Variants in CTNNA2 observed in about 807,000 individuals in gnomAD.
CTNNA2 encodes the protein catenin alpha 2, also known as catenin alpha-2.
A neutral mutation model predicts 101.0 loss-of-function variants in CTNNA2; 42 were observed. The observed-to-expected ratio is 0.42, with a 90% CI of 0.32 to 0.54. The LOEUF (loss-of-function observed/expected upper bound fraction) is 0.54. Ranked by LOEUF, CTNNA2 falls within the 20% of genes least tolerant of loss-of-function variation. The probability of loss-of-function intolerance (pLI) is 0.14; values close to 1 mark genes in which losing one functional copy is unlikely to be tolerated. For missense variants in CTNNA2, 871 were observed against 1,223.1 expected (o/e 0.71, Z 4.29); for synonymous variants, 450 against 456.4 (o/e 0.99, Z 0.18).
intron 6 of CTNNA2, among the ~76,000 whole-genome samples, chr2:79,902,207 G>T (rs780869216): frequency 1.3e-5 from 2 of 152,114 alleles, no homozygotes; most frequent in African/African-American, 2.4e-5. Flanking sequence ...GATTAGCATC[G>T]TGCATGCAGA....
chr2:79,922,743 G>A (rs1686758001), intron 7 of CTNNA2, among the ~76,000 whole-genome samples: 2 of 150,696 alleles, frequency 1.3e-5, no homozygotes. Flanking sequence ...ATGAAAATGA[G>A]TAGCATGCTA....
intron 4 of CTNNA2, among the ~76,000 whole-genome samples, chr2:79,484,000 TG>T (rs1470188922): frequency 6.6e-6 from 1 of 152,076 alleles, no homozygotes; most frequent in Non-Finnish European, 1.5e-5. Flanking sequence ...CATGTATGGT[TG>T]GGAGGCCGAG....
At chr2:79,409,779 G>A (rs1380936107) in intron 4 of CTNNA2, among the ~76,000 whole-genome samples, 1 of 145,946 alleles carries the variant, frequency 6.9e-6, no homozygotes, top group Non-Finnish European at 1.5e-5. Flanking sequence ...ACTTGGTGAT[G>A]CGGGCTCTTT....
chr2:79,481,863 T>C (rs746480541), intron 4 of CTNNA2, among the ~76,000 whole-genome samples: 1 of 152,186 alleles, frequency 6.6e-6, no homozygotes, highest in African/African-American at 2.4e-5. Flanking sequence ...GAGTGGAGTC[T>C]GCTTGGTTTG....
intron 7 of CTNNA2, among the ~76,000 whole-genome samples, chr2:80,215,282 T>G (rs747659689): frequency 4.8e-4 from 73 of 152,198 alleles, no homozygotes; most frequent in Non-Finnish European, 8.4e-4. Flanking sequence ...AAGTCATTCT[T>G]TATCCAGCTT....
intron 9 of CTNNA2, among the ~76,000 whole-genome samples, chr2:80,534,883 G>C (rs1477537816): frequency 6.6e-6 from 1 of 152,004 alleles, no homozygotes; most frequent in Non-Finnish European, 1.5e-5. Context: ...CTTTGTTTTT[G>C]GTAATAGCAA....
chr2:79,905,841 C>T (rs1685383689), intron 6 of CTNNA2, among the ~76,000 whole-genome samples: 1 of 152,148 alleles, frequency 6.6e-6, no homozygotes. Context: ...TCAAATTATA[C>T]AATGGCAAAT....
rs10496230 is a variant in CTNNA2 at position 79,677,176 on chromosome 2, C to T, written c.102+25518C>T. On this transcript the variant is annotated intron_variant, in intron 2 of 18. Transcript: ENST00000402739. The stretch of plus-strand genomic sequence containing the variant: ...CAATAAATGATATGATTATTATACT[C>T]AAAGATTATCTGAGAGACAGGGACA... Among the ~76,000 whole-genome samples, 1,117 of 152,268 alleles carry T rather than the reference C, an allele frequency of 7.3e-3. 32 individuals are homozygous for T. In the East Asian group the frequency reaches 0.1, roughly 14 times the overall value.
intron 12 of CTNNA2, chr2:80,573,073 G>A (rs541172529): frequency 6.6e-6 from 1 of 152,310 alleles, no homozygotes; most frequent in South Asian, 2.1e-4. Flanking sequence ...ATGAAAGTGA[G>A]TATAAAGAGG....
At chr2:80,597,677 T>C (rs1324697304) in intron 15 of CTNNA2, among the ~76,000 whole-genome samples, 1 of 152,136 alleles carries the variant, frequency 6.6e-6, no homozygotes. Context: ...GAACAGACAC[T>C]TGTCAAAAGA....
At chr2:79,963,400 C>T (rs140338408) in intron 7 of CTNNA2, among the ~76,000 whole-genome samples, 186 of 152,274 alleles carry the variant, frequency 1.2e-3, no homozygotes, top group East Asian at 5.8e-4. Context: ...GTTCCTAAAC[C>T]AGGGTAGACA....
intron 7 of CTNNA2, among the ~76,000 whole-genome samples, chr2:80,362,286 G>C (rs1674487862): frequency 6.6e-6 from 1 of 152,092 alleles, no homozygotes. Context: ...CTTTGAAAAA[G>C]ATTTACATAC....
chr2:80,253,295 C>T (rs532693495), intron 7 of CTNNA2, among the ~76,000 whole-genome samples: 1 of 152,268 alleles, frequency 6.6e-6, no homozygotes, highest in South Asian at 2.1e-4. Flanking sequence ...GTACATTTTA[C>T]TAAGACATCT....
At chr2:80,199,031 A>C (rs1246823821) in intron 7 of CTNNA2, among the ~76,000 whole-genome samples, 1 of 151,896 alleles carries the variant, frequency 6.6e-6, no homozygotes, top group Non-Finnish European at 1.5e-5. Flanking sequence ...AAATAAAAAA[A>C]TTAGCTGGGT....
At chr2:79,290,096 A>G (rs12614016) in intron 2 of CTNNA2, among the ~76,000 whole-genome samples, 3 of 151,966 alleles carry the variant, frequency 2.0e-5, no homozygotes, top group Non-Finnish European at 4.4e-5. Flanking sequence ...AGAGTGAGAG[A>G]CTCCTTAAAG....
At chr2:80,424,167 G>A (rs946390695) in intron 9 of CTNNA2, among the ~76,000 whole-genome samples, 2 of 152,082 alleles carry the variant, frequency 1.3e-5, no homozygotes, top group Admixed American at 6.5e-5. Context: ...TGTTGGCCAG[G>A]CTGGTCTCAA....
chr2:80,107,206 G>T (rs1474760839), intron 7 of CTNNA2, among the ~76,000 whole-genome samples: 1 of 152,052 alleles, frequency 6.6e-6, no homozygotes. Context: ...TCTCCTGATT[G>T]GTTCTTTCTG....
chr2:79,264,181 C>A (rs940310237), intron 2 of CTNNA2, among the ~76,000 whole-genome samples: 1 of 152,032 alleles, frequency 6.6e-6, no homozygotes, highest in African/African-American at 2.4e-5. Context: ...CTGTCCAGAC[C>A]TGGTTTTAAA....
chr2:80,457,646 A>T (rs1439505454), intron 9 of CTNNA2, among the ~76,000 whole-genome samples: 1 of 152,100 alleles, frequency 6.6e-6, no homozygotes, highest in African/African-American at 2.4e-5. Flanking sequence ...ATCTCTTCTC[A>T]GACTCAGCAC....
Sources: allele counts gnomAD v4.1 joint callset (sites outside exome capture counted in the v4.1 genomes callset), GRCh38; gene constraint gnomAD v4.1.1; transcripts MANE v1.5; gene names NCBI Gene and HGNC (gene_info 2026-07-23, HGNC 2026-07-21).